ARHGEF4: variants seen among roughly 807,000 people sequenced by gnomAD.
ARHGEF4 encodes APC-stimulated guanine nucleotide exchange factor 1.
ARHGEF4 carries 119 observed loss-of-function variants against 162.0 expected under a neutral mutation model. That is an observed-to-expected ratio of 0.73 (90% CI 0.63 to 0.86). The LOEUF is 0.86. Ranked by LOEUF, ARHGEF4 falls within the 40% of genes least tolerant of loss-of-function variation. The pLI is 0.00. For missense variants in ARHGEF4, 2,488 were observed against 2,456.0 expected, an observed-to-expected ratio of 1.01 and a Z score of -0.28; for synonymous variants, 1,014 against 979.9, an observed-to-expected ratio of 1.03 and a Z score of -0.65.
At chr2:130,972,077 C>A (rs1685408611) in intron 4 of ARHGEF4, among the ~76,000 whole-genome samples, 1 of 152,204 alleles carries the variant, frequency 6.6e-6, no homozygotes, top group Admixed American at 6.5e-5. Flanking sequence ...AAATGAACAT[C>A]ATTCTCAAAT....
At chr2:130,839,624 A>AC (rs1680465368) in intron 1 of ARHGEF4, among the ~76,000 whole-genome samples, 1 of 152,152 alleles carries the variant, frequency 6.6e-6, no homozygotes, top group Non-Finnish European at 1.5e-5. Context: ...CCAGGGGCCC[A>AC]CACAGGTGCG....
At chr2:130,855,135 A>G (rs934915912) in intron 1 of ARHGEF4, among the ~76,000 whole-genome samples, 2 of 151,850 alleles carry the variant, frequency 1.3e-5, no homozygotes, top group African/African-American at 2.4e-5. Context: ...TCGGCCTCCC[A>G]AAGTGCTGGG....
At chr2:130,877,509 G>A (rs75492666) in intron 1 of ARHGEF4, among the ~76,000 whole-genome samples, 4 of 152,272 alleles carry the variant, frequency 2.6e-5, no homozygotes, top group East Asian at 3.9e-4. Flanking sequence ...GGAGCCGTGC[G>A]TGGTGGTGCA....
At chr2:130,925,072 G>A (rs1682156559) in intron 2 of ARHGEF4, among the ~76,000 whole-genome samples, 1 of 147,980 alleles carries the variant, frequency 6.8e-6, no homozygotes, top group South Asian at 2.1e-4. Flanking sequence ...GTGTGTGTGT[G>A]TGTGTGTGCG....
rs1680151890 is a variant in ARHGEF4 at position 130,896,253 on chromosome 2, T to C, written c.40-17733T>C. ...TGAACTTTTGTTCTTTCTGTTGTTC[T>C]AGAATACTTGTAATGCCATATTCTT... On this transcript the variant is annotated intron_variant, in intron 1 of 13. Transcript: ENST00000409359. Among the ~76,000 whole-genome samples the C allele has an allele frequency of 1.3e-5, 2 of 152,254 alleles. 1 individual carries two copies. Among genetic ancestry groups the C allele is most frequent in the South Asian group, 4.1e-4 (2 of 4,834 alleles).
At chr2:130,926,702 G>A (rs1682308568) in intron 2 of ARHGEF4, among the ~76,000 whole-genome samples, 2 of 151,346 alleles carry the variant, frequency 1.3e-5, no homozygotes, top group East Asian at 2.0e-4. Flanking sequence ...AGCTTGCACC[G>A]ATAGCTTGGT....
chr2:130,935,464 T>C (rs1221610029), intron 3 of ARHGEF4, among the ~76,000 whole-genome samples: 1 of 152,208 alleles, frequency 6.6e-6, no homozygotes, highest in Non-Finnish European at 1.5e-5. Context: ...AAATGTAAAA[T>C]TGGACTATTG....
At chr2:130,930,727 A>G (rs1185960374) in intron 2 of ARHGEF4, among the ~76,000 whole-genome samples, 1 of 152,220 alleles carries the variant, frequency 6.6e-6, no homozygotes, top group East Asian at 1.9e-4. Flanking sequence ...TTTAAAAAAT[A>G]CTCTTGAAAG....
At chr2:130,864,551 C>T (rs1359101463) in intron 1 of ARHGEF4, among the ~76,000 whole-genome samples, 1 of 152,148 alleles carries the variant, frequency 6.6e-6, no homozygotes, top group Non-Finnish European at 1.5e-5. Context: ...ATGGGAAATC[C>T]CTTCTCTACT....
chr2:130,856,661 G>A (rs1462706040), intron 1 of ARHGEF4, among the ~76,000 whole-genome samples: 1 of 152,192 alleles, frequency 6.6e-6, no homozygotes. Context: ...ATGTATCATT[G>A]TATTGGTGGA....
At chr2:130,865,999 T>C (rs1682245889) in intron 1 of ARHGEF4, among the ~76,000 whole-genome samples, 1 of 152,180 alleles carries the variant, frequency 6.6e-6, no homozygotes, top group Non-Finnish European at 1.5e-5. Flanking sequence ...CACTGTGGAC[T>C]CAAATCCTGG....
chr2:130,956,318 C>G (rs1684270497), intron 4 of ARHGEF4, among the ~76,000 whole-genome samples: 1 of 152,036 alleles, frequency 6.6e-6, no homozygotes, highest in Non-Finnish European at 1.5e-5. Flanking sequence ...AGTCAGGAAA[C>G]AACAGGTGCT....
intron 2 of ARHGEF4, among the ~76,000 whole-genome samples, chr2:130,921,143 T>C (rs1159802792): frequency 6.6e-6 from 1 of 152,202 alleles, no homozygotes; most frequent in Non-Finnish European, 1.5e-5. Context: ...ATAAACAAAA[T>C]CTTACACATT....
intron 1 of ARHGEF4, among the ~76,000 whole-genome samples, chr2:130,860,873 CAAAG>C (rs1357261448): frequency 3.9e-5 from 3 of 76,394 alleles, no homozygotes; most frequent in South Asian, 5.5e-4. Flanking sequence ...CACATACACA[CAAAG>C]AAGAGAGTAG....
rs1690809883 is a variant in ARHGEF4 at position 131,041,523 on chromosome 2, T to C, written c.4895+61T>C. On this transcript the variant is annotated intron_variant, in intron 9 of 13. Transcript: ENST00000409359. ...CTCTGCATGCCTCCAGTCAGCCAGT[T>C]TGAGCATTAGCAGTGTGCTGGGCAC... The C allele has an allele frequency of 2.6e-6, 4 of 1,523,484 alleles. No homozygotes were observed. In the South Asian group the frequency reaches 4.9e-5, roughly 19 times the overall value. 94.4% of individuals were successfully genotyped at this position (1,523,484 alleles called of 1,614,324 possible). A position where few individuals can be genotyped will look rare whatever the true frequency, so the allele number is the denominator to read the frequency against.
intron 2 of ARHGEF4, among the ~76,000 whole-genome samples, chr2:130,922,371 CA>C (rs879394025): frequency 1.4e-3 from 184 of 134,668 alleles, no homozygotes; most frequent in Middle Eastern, 3.9e-3. Context: ...AACTCTGTCT[CA>C]AAAAAAAAAA....
intron 2 of ARHGEF4, among the ~76,000 whole-genome samples, chr2:130,926,048 C>CTTTCTCTTTCTTTCTTTCTTTCTT: frequency 2.2e-3 from 120 of 53,440 alleles, no homozygotes; most frequent in Middle Eastern, 0.02. Flanking sequence ...TTCTTTCTTT[C>CTTTCTCTTTCTTTCTTTCTTTCTT]TCTTTCTTTC....
intron 4 of ARHGEF4, among the ~76,000 whole-genome samples, chr2:131,026,305 T>C (rs1191174097): frequency 2.6e-5 from 4 of 152,372 alleles, no homozygotes; most frequent in Admixed American, 6.5e-5. Context: ...AATATCATTA[T>C]GACTGAGGTT....
At chr2:130,849,938 A>G (rs1681283876) in intron 1 of ARHGEF4, among the ~76,000 whole-genome samples, 1 of 152,244 alleles carries the variant, frequency 6.6e-6, no homozygotes, top group Non-Finnish European at 1.5e-5. Context: ...TGTACATTTA[A>G]CATAGTGATT....
Sources: allele counts gnomAD v4.1 joint callset (sites outside exome capture counted in the v4.1 genomes callset), GRCh38; gene constraint gnomAD v4.1.1; transcripts MANE v1.5; gene names NCBI Gene and HGNC (gene_info 2026-07-23, HGNC 2026-07-21).